Variants in CSMD1 observed in about 807,000 individuals in gnomAD.
The protein encoded by CSMD1 is CUB and Sushi multiple domains 1, also known as CUB and sushi domain-containing protein 1.
CSMD1 carries 213 observed loss-of-function variants against 417.5 expected under a neutral mutation model. The ratio of observed to expected loss-of-function variants is 0.51; its 90% CI spans 0.46 to 0.57. The LOEUF is 0.57. CSMD1 is among the 20% of genes least tolerant of loss of function. The probability of loss-of-function intolerance (pLI) is 0.00; values close to 1 mark genes in which losing one functional copy is unlikely to be tolerated. For missense variants in CSMD1, 6,923 were observed against 4,529.7 expected (o/e 1.53, Z -15.17); for synonymous variants, 2,862 against 1,736.8 (o/e 1.65, Z -16.11).
At chr8:4,034,986 C>A (rs745431217) in intron 3 of CSMD1, among the ~76,000 whole-genome samples, 3 of 152,240 alleles carry the variant, frequency 2.0e-5, no homozygotes, top group Admixed American at 6.5e-5. Context: ...CTCTTCTATA[C>A]GTTTTTTCTG....
intron 3 of CSMD1, among the ~76,000 whole-genome samples, chr8:4,142,755 C>G (rs867188250): frequency 1.3e-5 from 2 of 150,896 alleles, no homozygotes; most frequent in Admixed American, 1.3e-4. Flanking sequence ...TTGAACTTGC[C>G]AATCACTTCA....
intron 3 of CSMD1, among the ~76,000 whole-genome samples, chr8:4,258,086 G>C (rs1396165338): frequency 6.6e-6 from 1 of 151,598 alleles, no homozygotes; most frequent in South Asian, 2.1e-4. Flanking sequence ...TGGGACTACA[G>C]GCCCGTGCTA....
intron 27 of CSMD1, among the ~76,000 whole-genome samples, chr8:3,228,899 C>G (rs958073920): frequency 6.6e-6 from 1 of 152,058 alleles, no homozygotes; most frequent in African/African-American, 2.4e-5. Context: ...TGCAGTCTCC[C>G]GGTGACTCAG....
chr8:3,821,403 A>G (rs748301661), intron 5 of CSMD1, among the ~76,000 whole-genome samples: 3 of 152,174 alleles, frequency 2.0e-5, no homozygotes, highest in Admixed American at 1.3e-4. Context: ...CACCACACAC[A>G]CGCGCATGTG....
At chr8:4,968,862 T>C (rs1318801191) in intron 1 of CSMD1, among the ~76,000 whole-genome samples, 1 of 152,182 alleles carries the variant, frequency 6.6e-6, no homozygotes, top group Non-Finnish European at 1.5e-5. Context: ...CACCGCTTAG[T>C]GCTACACACA....
chr8:3,906,268 T>C (rs1169539146), intron 5 of CSMD1, among the ~76,000 whole-genome samples: 2 of 148,014 alleles, frequency 1.4e-5, no homozygotes, highest in Non-Finnish European at 3.0e-5. Flanking sequence ...TGTGTGCTGC[T>C]TCAAATAAAA....
At chr8:3,509,098 A>G (rs10108435) in intron 10 of CSMD1, among the ~76,000 whole-genome samples, 1 of 152,084 alleles carries the variant, frequency 6.6e-6, no homozygotes, top group Non-Finnish European at 1.5e-5. Context: ...GACAAAATTA[A>G]TGCGTGCTCA....
chr8:4,215,025 T>C (rs1021456929), intron 3 of CSMD1, among the ~76,000 whole-genome samples: 1 of 152,104 alleles, frequency 6.6e-6, no homozygotes, highest in Non-Finnish European at 1.5e-5. Flanking sequence ...TCTGCCTCAG[T>C]TTTAATGATT....
In CSMD1 at chr8:3,263,905, T is replaced by G. The variant is rs76709650; in HGVS notation, c.4153+20239A>C. Among the ~76,000 whole-genome samples the G allele has an allele frequency of 3.0e-3, 458 of 152,346 alleles. 4 individuals are homozygous for G. The highest frequency in any genetic ancestry group is 0.01 in the African/African-American group (435 of 41,580). On this transcript the variant is annotated intron_variant, in intron 26 of 69. Transcript: ENST00000635120. ...AATAGTACACTGTTTAAAGTTATTT[T>G]AAAAACACTTTTTACCTAATGGTAA...
intron 3 of CSMD1, among the ~76,000 whole-genome samples, chr8:4,289,900 A>T (rs527329917): frequency 6.6e-6 from 1 of 152,202 alleles, no homozygotes; most frequent in Admixed American, 6.5e-5. Context: ...AATGAATCAA[A>T]TGGTACCTCT....
chr8:3,356,338 C>A (rs188071465), intron 21 of CSMD1, among the ~76,000 whole-genome samples: 2 of 152,136 alleles, frequency 1.3e-5, no homozygotes, highest in African/African-American at 4.8e-5. Flanking sequence ...ATGAGGCAGA[C>A]CACTGTAAAG....
chr8:4,201,430 C>G (rs1199677741), intron 3 of CSMD1, among the ~76,000 whole-genome samples: 1 of 151,230 alleles, frequency 6.6e-6, no homozygotes, highest in African/African-American at 2.4e-5. Flanking sequence ...CCCAGCTACT[C>G]AGGAGGCTGA....
chr8:4,358,635 T>C (rs1015040365), intron 3 of CSMD1, among the ~76,000 whole-genome samples: 1 of 152,208 alleles, frequency 6.6e-6, no homozygotes, highest in African/African-American at 2.4e-5. Context: ...TATCATGCAA[T>C]AATTTATGAA....
intron 3 of CSMD1, among the ~76,000 whole-genome samples, chr8:4,130,354 G>C (rs927531784): frequency 6.6e-6 from 1 of 152,118 alleles, no homozygotes; most frequent in Non-Finnish European, 1.5e-5. Context: ...CCCAGTAATG[G>C]AAGTGGAATT....
chr8:4,566,219 T>A (rs182642983), intron 2 of CSMD1, among the ~76,000 whole-genome samples: 1 of 152,224 alleles, frequency 6.6e-6, no homozygotes, highest in African/African-American at 2.4e-5. Context: ...AATGTATACA[T>A]TCAACAATGT....
At chr8:3,958,435 G>A (rs1032457448) in intron 5 of CSMD1, among the ~76,000 whole-genome samples, 2 of 151,338 alleles carry the variant, frequency 1.3e-5, no homozygotes, top group East Asian at 1.9e-4. Context: ...GCATGTGCAC[G>A]TTTTTGAAAT....
At chr8:4,317,436 C>T (rs928638203) in intron 3 of CSMD1, among the ~76,000 whole-genome samples, 8 of 152,116 alleles carry the variant, frequency 5.3e-5, no homozygotes, top group African/African-American at 1.7e-4. Flanking sequence ...TCTCTGTTGT[C>T]ATATAATGTA....
intron 12 of CSMD1, 70 bp downstream of exon 12, chr8:3,468,642 A>G: frequency 2.2e-6 from 2 of 929,706 alleles, no homozygotes; most frequent in South Asian, 1.5e-5. Context: ...CTACCTAACC[A>G]ACACAGAATG....
At chr8:3,714,828 T>C (rs1471144664) in intron 6 of CSMD1, among the ~76,000 whole-genome samples, 1 of 152,256 alleles carries the variant, frequency 6.6e-6, no homozygotes, top group Admixed American at 6.5e-5. Flanking sequence ...AAGATAAAAA[T>C]TAAACTGTTC....
Sources: gnomAD v4.1 joint callset for allele counts (sites outside exome capture counted in the v4.1 genomes callset) on GRCh38, gnomAD v4.1.1 for gene constraint, MANE v1.5 for transcripts, NCBI Gene and HGNC (gene_info 2026-07-23, HGNC 2026-07-21) for gene names.